Variants in MYO5C observed in about 807,000 individuals in gnomAD.
MYO5C encodes unconventional myosin-Vc.
MYO5C carries 194 observed loss-of-function variants against 235.7 expected under a neutral mutation model. The observed-to-expected ratio is 0.82, with a 90% confidence interval of 0.73 to 0.93. The LOEUF is 0.93. Among genes scored for constraint, MYO5C ranks in the 40% least tolerant of loss-of-function variants. MYO5C has a pLI of 0.00. For synonymous variants in MYO5C, 707 were observed against 754.8 expected (o/e 0.94, Z 1.04); for missense variants, 2,038 against 2,127.2 (o/e 0.96, Z 0.82).
chr15:52,234,249 G>A (rs1289225994), intron 23 of MYO5C, among the ~76,000 whole-genome samples: 1 of 152,210 alleles, frequency 6.6e-6, no homozygotes. Flanking sequence ...GCATCCCTGG[G>A]TCTTAGGTCA....
chr15:52,250,900 A>T (rs2036457332), intron 13 of MYO5C: 1 of 152,278 alleles, frequency 6.6e-6, no homozygotes, highest in East Asian at 1.9e-4. Context: ...TTAGACAAGT[A>T]ACATTTGTTT....
At chr15:52,203,253 G>A (rs1039947711) in intron 38 of MYO5C, among the ~76,000 whole-genome samples, 1 of 151,986 alleles carries the variant, frequency 6.6e-6, no homozygotes, top group Non-Finnish European at 1.5e-5. Context: ...GGCATGCAAT[G>A]TGAAATAAGC....
chr15:52,213,108 C>A lies in MYO5C; in HGVS notation c.4141+80G>T, dbSNP rs1340282862. On this transcript the variant is annotated intron_variant, in intron 34 of 40. Transcript: ENST00000261839. Reference sequence around the variant, plus strand: ...GAAGAAAAAGTAGAAAAAGGACCACCCCTGCCCAGGACTTTGGCACTGACT... The same window carrying A: ...GAAGAAAAAGTAGAAAAAGGACCACACCTGCCCAGGACTTTGGCACTGACT... 3 of 1,054,480 alleles carry A rather than the reference C, an allele frequency of 2.8e-6. No individual in the cohort carries two copies. The African/African-American group carries it at 4.7e-5, about 16-fold the overall frequency. 65.3% of individuals were successfully genotyped at this position (1,054,480 alleles called of 1,614,324 possible).
chr15:52,205,950 T>A lies in MYO5C; in HGVS notation c.4403A>T (p.Asn1468Ile), dbSNP rs1486486951. The change falls in exon 37 of 41, where the codon AAT becomes ATT. Residue 1468 changes from asparagine (N) to isoleucine (I), a missense_variant. Physicochemically the swap from Asn to Ile is moderately radical, Grantham distance 149. Transcript: ENST00000261839. ...GCAATTCTTATTCTGCTGTGGACTA[T>A]TATGCTTCATGAATTCCTAAAAGTA... ...YSGEEEFMKH[N>I]SPQQNKNCLN... 1 of 1,558,402 alleles carries A rather than the reference T, an allele frequency of 6.4e-7. No individual in the cohort carries two copies. The highest frequency in any genetic ancestry group is 1.9e-5 in the Admixed American group (1 of 53,130).
intron 39 of MYO5C, among the ~76,000 whole-genome samples, 162 bp from the exon 40 acceptor site, chr15:52,195,619 C>G (rs973749684): frequency 6.6e-6 from 1 of 152,006 alleles, no homozygotes; most frequent in African/African-American, 2.4e-5. Flanking sequence ...GAAAAGAAAA[C>G]AAGGGGAGAA....
At chr15:52,196,281 C>T (rs752878731) in intron 39 of MYO5C, 28 bp downstream of exon 39, 1 of 1,568,976 alleles carries the variant, frequency 6.4e-7, no homozygotes, top group South Asian at 1.2e-5. Flanking sequence ...AGGGAAGAGC[C>T]AGGGAGACAC....
chr15:52,290,059 C>T (rs2037354422), intron 1 of MYO5C, among the ~76,000 whole-genome samples: 1 of 152,126 alleles, frequency 6.6e-6, no homozygotes, highest in Non-Finnish European at 1.5e-5. Context: ...TGCCATCTAG[C>T]AGAGCTGGAT....
At chr15:52,225,578 T>C in intron 25 of MYO5C, 46 bp from the exon 26 acceptor site, 1 of 1,283,304 alleles carries the variant, frequency 7.8e-7, no homozygotes, top group African/African-American at 1.4e-5. Context: ...AAACAACGAT[T>C]ATGCTTTATA....
Position 52,229,319 on chromosome 15 carries a change from C to A in MYO5C, c.3027-6G>T. 1 of 1,608,652 alleles carries A rather than the reference C, an allele frequency of 6.2e-7. No homozygotes were observed. The highest frequency in any genetic ancestry group is 8.5e-7 in the Non-Finnish European group (1 of 1,179,394). The stretch of plus-strand genomic sequence containing the variant: ...CAAAACTTTTTTCAAGAAGCCTACG[C>A]AGCAAAAGAAGAAAATAATTTAGAG... On this transcript the variant is annotated splice_region_variant and splice_polypyrimidine_tract_variant and intron_variant, in intron 24 of 40. Coordinates refer to ENST00000261839, the MANE Select transcript of MYO5C (RefSeq NM_018728.4).
In MYO5C at chr15:52,278,959, G is replaced by C; in HGVS notation, c.363C>G (p.Ile121Met). The C allele has an allele frequency of 6.2e-7, 1 of 1,614,088 alleles. No homozygotes were observed. Among genetic ancestry groups the C allele is most frequent in the Non-Finnish European group, 8.5e-7 (1 of 1,179,978 alleles). Residue 121 changes from isoleucine to methionine, a missense_variant, in exon 4 of 41, where the codon ATC (isoleucine) becomes ATG (methionine). Physicochemically the swap from Ile to Met is conservative, Grantham distance 10 (BLOSUM62 1). Coordinates refer to ENST00000261839, the MANE Select transcript of MYO5C (RefSeq NM_018728.4). ...TGTTCTGCCCGCTGTAGGCGTGGAT[G>C]ATGGCATCTCCGTATATTGGCAACT... The part of the protein sequence containing the change: ...YKQLPIYGDA[I>M]IHAYSGQNMG...
At chr15:52,286,973 A>ACT (rs1566996017) in intron 1 of MYO5C, among the ~76,000 whole-genome samples, 11 of 105,686 alleles carry the variant, frequency 1.0e-4, no homozygotes, top group African/African-American at 2.7e-4. Context: ...AAAAAAAGAA[A>ACT]AACTAACAAA....
chr15:52,266,283 G>A (rs1323158541), intron 8 of MYO5C, among the ~76,000 whole-genome samples: 1 of 152,184 alleles, frequency 6.6e-6, no homozygotes, highest in African/African-American at 2.4e-5. Flanking sequence ...CACTGGTCAA[G>A]TTCCTAGAGC....
Position 52,246,912 on chromosome 15 carries a change from C to T in MYO5C, c.1979+5G>A, listed in dbSNP as rs372025537. The T allele has an allele frequency of 2.7e-5, 44 of 1,611,652 alleles. No homozygotes were observed. In the African/African-American group the frequency reaches 5.5e-4, roughly 20 times the overall value. ...CTTCGCTGTGTGTTGCATAAGAACA[C>T]TTACTCAAAGGGTAACTTCTCATCA... On this transcript the variant is annotated splice_donor_5th_base_variant and intron_variant, in intron 16 of 40. Coordinates refer to ENST00000261839, the MANE Select transcript of MYO5C (RefSeq NM_018728.4).
chr15:52,272,148 G>A (rs1193780377), intron 6 of MYO5C, among the ~76,000 whole-genome samples: 3 of 152,198 alleles, frequency 2.0e-5, no homozygotes, highest in Non-Finnish European at 2.9e-5. Context: ...GCTTTCTGTT[G>A]CTCTCCTCCT....
intron 33 of MYO5C, 58 bp from the exon 34 acceptor site, chr15:52,213,344 C>G: frequency 8.2e-7 from 1 of 1,222,794 alleles, no homozygotes; most frequent in African/African-American, 1.5e-5. Context: ...ACAGGTCTCA[C>G]AATGTGACTA....
chr15:52,288,400 G>A (rs2037320572), intron 1 of MYO5C, among the ~76,000 whole-genome samples: 1 of 152,168 alleles, frequency 6.6e-6, no homozygotes, highest in Non-Finnish European at 1.5e-5. Flanking sequence ...TAGGACATAC[G>A]TAACCACTGA....
rs527939917 is a variant in MYO5C at position 52,267,794 on chromosome 15, T to C, written c.940+1959A>G. Among the ~76,000 whole-genome samples, 30 of 152,286 alleles carry C rather than the reference T, an allele frequency of 2.0e-4. 2 individuals carry two copies. The South Asian group carries it at 6.2e-3, about 32-fold the overall frequency. On this transcript the variant is annotated intron_variant, in intron 8 of 40. Coordinates refer to ENST00000261839, the MANE Select transcript of MYO5C (RefSeq NM_018728.4). Reference sequence around the variant, plus strand: ...CCTACTCTATTTGCCCTACATTATCTTGCTGTGAGGAGGAGGACATAATAG... The same window carrying C: ...CCTACTCTATTTGCCCTACATTATCCTGCTGTGAGGAGGAGGACATAATAG...
chr15:52,264,613 G>A (rs1284984687), intron 8 of MYO5C, among the ~76,000 whole-genome samples: 1 of 152,164 alleles, frequency 6.6e-6, no homozygotes, highest in East Asian at 1.9e-4. Flanking sequence ...GCTTGATTTT[G>A]AATGTTTTTC....
At chr15:52,278,793 T>A in intron 4 of MYO5C, 80 bp downstream of exon 4, 4 of 1,538,426 alleles carry the variant, frequency 2.6e-6, no homozygotes, top group Non-Finnish European at 3.5e-6. Context: ...AACCTAGATA[T>A]CTCCCCTCCA....
Sources: gnomAD v4.1 joint callset for allele counts (sites outside exome capture counted in the v4.1 genomes callset) on GRCh38, gnomAD v4.1.1 for gene constraint, MANE v1.5 for transcripts, NCBI Gene and HGNC (gene_info 2026-07-23, HGNC 2026-07-21) for gene names.